Variants in TMTC1 observed in about 807,000 individuals in gnomAD.
TMTC1 encodes protein O-mannosyl-transferase TMTC1.
In TMTC1, 73 loss-of-function variants were observed where a neutral mutation model predicts 104.8. That is an observed-to-expected ratio of 0.70 (90% confidence interval 0.58 to 0.85). The LOEUF is 0.85. Among genes scored for constraint, TMTC1 ranks in the 40% least tolerant of loss-of-function variants. The pLI is 0.00. For missense variants in TMTC1, 1,035 were observed against 1,096.1 expected, an observed-to-expected ratio of 0.94 and a Z score of 0.79; for synonymous variants, 434 against 428.7, an observed-to-expected ratio of 1.01 and a Z score of -0.15.
chr12:29,762,380 TTTTTC>T (rs1943371717), intron 2 of TMTC1, among the ~76,000 whole-genome samples: 2 of 152,176 alleles, frequency 1.3e-5, no homozygotes, highest in South Asian at 4.1e-4. Context: ...CCCCCTTTCT[TTTTTC>T]TTTTTTTCAG....
At chr12:29,747,277 T>C (rs1227541120) in intron 5 of TMTC1, among the ~76,000 whole-genome samples, 1 of 152,152 alleles carries the variant, frequency 6.6e-6, no homozygotes, top group Non-Finnish European at 1.5e-5. Context: ...GGGGGATGTT[T>C]ACACACAAAA....
chr12:29,523,790 C>CAA (rs1944255791), intron 11 of TMTC1, among the ~76,000 whole-genome samples: 1 of 151,874 alleles, frequency 6.6e-6, no homozygotes, highest in Non-Finnish European at 1.5e-5. Flanking sequence ...AGAAAATTCG[C>CAA]GTCTATTTTA....
intron 9 of TMTC1, among the ~76,000 whole-genome samples, chr12:29,564,754 A>G (rs1282381249): frequency 6.6e-6 from 1 of 152,194 alleles, no homozygotes; most frequent in African/African-American, 2.4e-5. Flanking sequence ...GATGAATGGC[A>G]GGAGGAGGAA....
At chr12:29,585,074 T>A (rs1399744248) in intron 7 of TMTC1, among the ~76,000 whole-genome samples, 2 of 149,720 alleles carry the variant, frequency 1.3e-5, no homozygotes, top group African/African-American at 4.9e-5. Flanking sequence ...AAAGTGTTCC[T>A]ATTTCTCCAC....
At chr12:29,719,321 T>A (rs1165661500) in intron 5 of TMTC1, among the ~76,000 whole-genome samples, 1 of 152,218 alleles carries the variant, frequency 6.6e-6, no homozygotes. Context: ...TTGGAATTTC[T>A]TCTTTGTGAA....
intron 5 of TMTC1, among the ~76,000 whole-genome samples, chr12:29,659,559 C>T (rs1394408536): frequency 6.6e-6 from 1 of 152,148 alleles, no homozygotes; most frequent in Non-Finnish European, 1.5e-5. Context: ...AACTTTCCAG[C>T]CATCAGAATA....
chr12:29,694,374 T>C (rs1265890481), intron 5 of TMTC1, among the ~76,000 whole-genome samples: 4 of 152,106 alleles, frequency 2.6e-5, no homozygotes, highest in African/African-American at 9.7e-5. Flanking sequence ...GATATTCAAA[T>C]CCCTGATATA....
intron 8 of TMTC1, among the ~76,000 whole-genome samples, chr12:29,582,305 T>C (rs1946003787): frequency 6.6e-6 from 1 of 152,214 alleles, no homozygotes; most frequent in African/African-American, 2.4e-5. Context: ...TGCTGGGAAC[T>C]TCCCTCTTGC....
intron 10 of TMTC1, among the ~76,000 whole-genome samples, chr12:29,553,601 T>C (rs980252689): frequency 6.6e-6 from 1 of 152,180 alleles, no homozygotes; most frequent in African/African-American, 2.4e-5. Flanking sequence ...CAGGAAACAG[T>C]AAAGTCTTAT....
chr12:29,719,959 C>A (rs1437112809), intron 5 of TMTC1, among the ~76,000 whole-genome samples: 2 of 152,110 alleles, frequency 1.3e-5, no homozygotes, highest in Non-Finnish European at 2.9e-5. Flanking sequence ...ACTGAATGAG[C>A]CTTACGTTTT....
At chr12:29,532,478 A>G (rs1220838707) in intron 11 of TMTC1, 2 of 152,198 alleles carry the variant, frequency 1.3e-5, no homozygotes, top group Non-Finnish European at 2.9e-5. Context: ...ATTATTAACC[A>G]TATATTACAG....
intron 11 of TMTC1, among the ~76,000 whole-genome samples, chr12:29,531,835 C>T (rs1944512663): frequency 1.3e-5 from 2 of 152,132 alleles, no homozygotes; most frequent in Admixed American, 6.5e-5. Flanking sequence ...TTCTGGGTTT[C>T]TTTTATCTCT....
At chr12:29,518,336 G>C in intron 13 of TMTC1, 136 bp downstream of exon 13, 2 of 950,012 alleles carry the variant, frequency 2.1e-6, no homozygotes, top group Non-Finnish European at 3.1e-6. Flanking sequence ...TTTCTTTGGA[G>C]ATAAAAATTT....
chr12:29,725,011 G>GTTTTTTTTTTTTTTTTTTTTTTTTTTTTT lies in TMTC1; in HGVS notation c.938+26654_938+26655insAAAAAAAAAAAAAAAAAAAAAAAAAAAAA, dbSNP rs879602127. 2.6e-5 allele frequency among the ~76,000 whole-genome samples: 3 copies of GTTTTTTTTTTTTTTTTTTTTTTTTTTTTT among 115,760 alleles called. 1 individual carries two copies. Among genetic ancestry groups the GTTTTTTTTTTTTTTTTTTTTTTTTTTTTT allele is most frequent in the Non-Finnish European group, 5.2e-5 (3 of 57,886 alleles). 75.9% of individuals were successfully genotyped at this position (115,760 alleles called of 152,430 possible). ...CGTAGTTTAGCTATATATCTGCCAA[G>GTTTTTTTTTTTTTTTTTTTTTTTTTTTTT]TTCTTTTTTTTTTTTTTTTTTTTTT... On this transcript the variant is annotated intron_variant, in intron 5 of 17. Coordinates refer to ENST00000539277, the MANE Select transcript of TMTC1 (RefSeq NM_001193451.2).
intron 5 of TMTC1, among the ~76,000 whole-genome samples, chr12:29,725,554 A>G (rs1942366977): frequency 2.6e-5 from 4 of 152,206 alleles, no homozygotes; most frequent in Admixed American, 6.5e-5. Context: ...TCATCATGTA[A>G]TAAAGGCAGA....
At chr12:29,737,043 A>G (rs753058868) in intron 5 of TMTC1, among the ~76,000 whole-genome samples, 1 of 152,230 alleles carries the variant, frequency 6.6e-6, no homozygotes, top group Non-Finnish European at 1.5e-5. Context: ...GCTTTTCAAA[A>G]ATTGTATTTA....
chr12:29,625,624 G>C (rs531927984), intron 6 of TMTC1, among the ~76,000 whole-genome samples: 1 of 152,290 alleles, frequency 6.6e-6, no homozygotes, highest in East Asian at 1.9e-4. Context: ...AAGTGATTTT[G>C]AAACAAACTC....
intron 5 of TMTC1, among the ~76,000 whole-genome samples, chr12:29,746,350 T>C (rs768866840): frequency 1.3e-5 from 2 of 152,216 alleles, no homozygotes; most frequent in Non-Finnish European, 2.9e-5. Context: ...AACCCAGTTA[T>C]TATTCATCAA....
chr12:29,586,636 T>C (rs527250957), intron 7 of TMTC1, among the ~76,000 whole-genome samples: 2 of 151,932 alleles, frequency 1.3e-5, no homozygotes, highest in South Asian at 4.2e-4. Context: ...TGAGAGTTTT[T>C]AGCATGAAGG....
Sources: allele counts gnomAD v4.1 joint callset (sites outside exome capture counted in the v4.1 genomes callset), GRCh38; gene constraint gnomAD v4.1.1; transcripts MANE v1.5; gene names NCBI Gene and HGNC (gene_info 2026-07-23, HGNC 2026-07-21).